Variants in SYNPO observed in about 807,000 individuals in gnomAD.
The protein encoded by SYNPO is synaptopodin.
Under a neutral mutation model 49.5 loss-of-function variants are expected in SYNPO, and 19 were observed. The ratio of observed to expected loss-of-function variants is 0.38; its 90% CI spans 0.27 to 0.56. The LOEUF (loss-of-function observed/expected upper bound fraction) is 0.56, where lower values mean the gene tolerates loss of function less well. Ranked by LOEUF, SYNPO falls within the 20% of genes least tolerant of loss-of-function variation. The pLI is 0.68. For missense variants in SYNPO, 1,131 were observed against 1,248.3 expected (o/e 0.91, Z 1.42); for synonymous variants, 536 against 548.0 (o/e 0.98, Z 0.31).
chr5:150,650,172 C>G lies in SYNPO; in HGVS notation c.1897C>G (p.Gln633Glu). 6.2e-7 allele frequency: 1 copy of G among 1,613,960 alleles called. No homozygotes were observed. The highest frequency in any genetic ancestry group is 1.1e-5 in the South Asian group (1 of 91,072). ...LYTSPGQDSLQPTAVSPPYGG... is the reference protein window; with the variant it reads ...LYTSPGQDSLEPTAVSPPYGG... ...CACCTCCCCCGGCCAGGACAGCCTG[C>G]AGCCCACTGCCGTGAGCCCTCCTTA... The change falls in exon 2 of 3, where the codon CAG becomes GAG. Residue 633 changes from glutamine to glutamate, a missense_variant. Gln to Glu is a conservative substitution (Grantham distance 29). This residue lies in a region of SYNPO where 509 missense variants were observed against 484.5 expected (regional missense o/e 1.05). Transcript: ENST00000307662.
At chr5:150,613,912 A>G (rs144527494) in intron 1 of SYNPO, among the ~76,000 whole-genome samples, 107 of 152,268 alleles carry the variant, frequency 7.0e-4, no homozygotes, top group African/African-American at 2.5e-3. Flanking sequence ...TCTACAGCTT[A>G]CAAGGGAGGC....
chr5:150,602,998 GT>G (rs1178332637), intron 1 of SYNPO, among the ~76,000 whole-genome samples: 352 of 8,188 alleles, frequency 0.043, 2 homozygotes, highest in African/African-American at 0.085. Flanking sequence ...CCACCTTAGG[GT>G]GTGTGTGTGT....
At chr5:150,609,858 C>T (rs773151309) in intron 1 of SYNPO, among the ~76,000 whole-genome samples, 16 of 151,990 alleles carry the variant, frequency 1.1e-4, no homozygotes, top group Non-Finnish European at 1.8e-4. Context: ...CTGCTGACTG[C>T]GTAGCCTTGG....
intron 2 of SYNPO, among the ~76,000 whole-genome samples, chr5:150,625,562 G>A (rs1347658678): frequency 6.6e-6 from 1 of 152,204 alleles, no homozygotes; most frequent in Non-Finnish European, 1.5e-5. Context: ...ACTGTCCTGC[G>A]CTGCCCGCCT....
chr5:150,591,920 C>T, the SYNPO span, among the ~76,000 whole-genome samples: 1 of 152,148 alleles, frequency 6.6e-6, no homozygotes, highest in African/African-American at 2.4e-5. Context: ...AATCCCAGCA[C>T]TTTGGGAGGC....
At chr5:150,600,764 G>A (rs914931185), upstream of SYNPO, among the ~76,000 whole-genome samples, 14 of 152,136 alleles carry the variant, frequency 9.2e-5, no homozygotes, top group Admixed American at 4.6e-4. Flanking sequence ...CCAGCCTAAG[G>A]TTTTGGAAAC....
At chr5:150,605,540 C>G (rs1756668036) in intron 1 of SYNPO, among the ~76,000 whole-genome samples, 1 of 151,994 alleles carries the variant, frequency 6.6e-6, no homozygotes, top group Admixed American at 6.6e-5. Context: ...GAAGGGGAGG[C>G]CCTTGGTACT....
chr5:150,591,987 G>T, the SYNPO span, among the ~76,000 whole-genome samples: 3 of 152,140 alleles, frequency 2.0e-5, no homozygotes, highest in African/African-American at 7.2e-5. Flanking sequence ...CCAACATGGA[G>T]AAACCCCGTC....
intron 2 of SYNPO, among the ~76,000 whole-genome samples, chr5:150,631,825 T>C (rs10039597): frequency 0.22 from 33,241 of 152,102 alleles, 3,743 homozygotes; most frequent in Non-Finnish European, 0.25. Flanking sequence ...AGGCCTCAGA[T>C]GCAAGCTGGT....
At chr5:150,618,673 C>G in exon 2 of SYNPO, 1 of 1,551,272 alleles carries the variant, frequency 6.4e-7, no homozygotes, top group Non-Finnish European at 8.7e-7. Flanking sequence ...AGCACGACGA[C>G]AGGGCCAGCC....
chr5:150,611,310 G>A (rs542519536), intron 1 of SYNPO, among the ~76,000 whole-genome samples: 16 of 152,324 alleles, frequency 1.1e-4, no homozygotes, highest in East Asian at 1.9e-4. Flanking sequence ...CTTAGCAGGC[G>A]TTCTGTGAAT....
intron 2 of SYNPO, among the ~76,000 whole-genome samples, chr5:150,631,303 T>C (rs1414688273): frequency 1.3e-5 from 2 of 150,926 alleles, no homozygotes; most frequent in Non-Finnish European, 3.0e-5. Flanking sequence ...AGGCAGAGAG[T>C]GTTGTGGCAG....
At chr5:150,596,191 C>T (rs901844041), upstream of SYNPO, among the ~76,000 whole-genome samples, 4 of 152,168 alleles carry the variant, frequency 2.6e-5, no homozygotes, top group African/African-American at 9.7e-5. Context: ...TCCTGACCTC[C>T]AAATCCAGGG....
At chr5:150,643,063 T>A (rs1757965424) in intron 1 of SYNPO, among the ~76,000 whole-genome samples, 1 of 152,230 alleles carries the variant, frequency 6.6e-6, no homozygotes, top group Non-Finnish European at 1.5e-5. Context: ...TCTAAACCCA[T>A]GGCCTTCTAG....
At chr5:150,642,652 G>A (rs1229716047) in intron 1 of SYNPO, among the ~76,000 whole-genome samples, 1 of 152,178 alleles carries the variant, frequency 6.6e-6, no homozygotes, top group African/African-American at 2.4e-5. Context: ...GGACTCTAGG[G>A]TGTCCCCCCG....
intron 1 of SYNPO, among the ~76,000 whole-genome samples, chr5:150,613,397 C>T (rs1288325245): frequency 6.6e-6 from 1 of 152,214 alleles, no homozygotes; most frequent in East Asian, 1.9e-4. Flanking sequence ...CCGCCTCGTT[C>T]TTCAGAGTCA....
chr5:150,617,435 A>G (rs1757012068), intron 1 of SYNPO, among the ~76,000 whole-genome samples: 1 of 152,166 alleles, frequency 6.6e-6, no homozygotes, highest in Admixed American at 6.5e-5. Flanking sequence ...AGCTGGGATT[A>G]CAGGTGCCTA....
At chr5:150,612,824 G>A (rs1053324651) in intron 1 of SYNPO, among the ~76,000 whole-genome samples, 46 of 152,170 alleles carry the variant, frequency 3.0e-4, no homozygotes, top group African/African-American at 1.1e-3. Flanking sequence ...CTGTCACCCA[G>A]GCTGGAGTGC....
At chr5:150,641,321 ACCAGGGGGGCAGTTTAC>A (rs1358612318) in intron 1 of SYNPO, among the ~76,000 whole-genome samples, 17 of 152,092 alleles carry the variant, frequency 1.1e-4, no homozygotes, top group Admixed American at 9.8e-4. Context: ...TCCTGACCTC[ACCAGGGGGGCAGTTTAC>A]CCAGCCTGTT....
Sources: gnomAD v4.1 joint callset for allele counts (sites outside exome capture counted in the v4.1 genomes callset) on GRCh38, gnomAD v4.1.1 for gene constraint, gnomAD v4.1.1 regional missense constraint, MANE v1.5 for transcripts, NCBI Gene and HGNC (gene_info 2026-07-23, HGNC 2026-07-21) for gene names.